The following ALPK3 variants were observed in gnomAD, a reference collection of about 807,000 sequenced individuals.
ALPK3 encodes the protein alpha kinase 3.
ALPK3 carries 102 observed loss-of-function variants against 140.0 expected under a neutral mutation model. The ratio of observed to expected loss-of-function variants is 0.73; its 90% confidence interval spans 0.62 to 0.86. The LOEUF is 0.86. ALPK3 is among the 40% of genes least tolerant of loss of function. ALPK3 has a pLI of 0.00. For missense variants in ALPK3, 2,254 were observed against 2,208.2 expected (o/e 1.02, Z -0.42); for synonymous variants, 938 against 898.5 (o/e 1.04, Z -0.79).
In ALPK3 at chr15:84,859,375, G is replaced by A. The variant is rs148887150; in HGVS notation, c.3950G>A (p.Gly1317Asp). 8.5e-5 allele frequency: 138 copies of A among 1,614,068 alleles called. No homozygotes were observed. Among genetic ancestry groups the A allele is most frequent in the Admixed American group, 1.7e-4 (10 of 60,010 alleles). Residue 1317 changes from glycine to aspartate, a missense_variant, in exon 7 of 14, where the codon GGC becomes GAC. Gly to Asp is a moderately conservative substitution (Grantham distance 94). Around this residue, in one of 3 missense-constraint regions of ALPK3, gnomAD observed 2,088 missense variants for 2,022.9 expected, o/e 1.03. Coordinates refer to ENST00000258888, the MANE Select transcript of ALPK3 (RefSeq NM_020778.5). ...LTWAKDQRPV[G>D]EVGRSAGDEG... is the part of the protein sequence containing the mutation. ...TGGGCCAAGGATCAGCGCCCAGTGG[G>A]CGAGGTGGGCAGGAGGTAAGCCAAC...
chr15:84,867,208 A>C, intron 12 of ALPK3, 109 bp from the exon 13 acceptor site: 2 of 1,008,490 alleles, frequency 2.0e-6, no homozygotes, highest in Non-Finnish European at 2.9e-6. Context: ...CCATGTCTCC[A>C]GCAGGAAGAG....
intron 3 of ALPK3, among the ~76,000 whole-genome samples, chr15:84,832,364 GTTCAC>G (rs1963553100): frequency 6.6e-6 from 1 of 152,110 alleles, no homozygotes; most frequent in African/African-American, 2.4e-5. Context: ...CTCCTTGCCT[GTTCAC>G]TTCATCTTTG....
Position 84,858,027 on chromosome 15 carries a change from C to T in ALPK3, c.3289C>T (p.Pro1097Ser), listed in dbSNP as rs769254376. 46 of 1,579,734 alleles carry T rather than the reference C, an allele frequency of 2.9e-5. No homozygotes were observed. Among genetic ancestry groups the T allele is most frequent in the Non-Finnish European group, 3.9e-5 (45 of 1,164,432 alleles). ...CAGTGAGGGTGAAGGAGAGGTTTCC[C>T]CTGAGGGGCCTGGCCTCCTGGGGGC... is the stretch of plus-strand genomic sequence containing the variant. ...GASEGEGEVS[P>S]EGPGLLGASQ... Residue 1097 changes from proline (P) to serine (S), a missense_variant, in exon 6 of 14, where the codon CCT becomes TCT. By Grantham distance (74) the Pro-to-Ser change is moderately conservative. Around this residue, in one of 3 missense-constraint regions of ALPK3, gnomAD observed 2,088 missense variants for 2,022.9 expected, o/e 1.03. Transcript: ENST00000258888.
rs140745654 is a variant in ALPK3 at position 84,846,553 on chromosome 15, G to A, written c.1653+5621G>A. Among the ~76,000 whole-genome samples, 14 of 152,270 alleles carry A rather than the reference G, an allele frequency of 9.2e-5. No individual in the cohort carries two copies. In the South Asian group the frequency reaches 2.1e-3, roughly 23 times the overall value. On this transcript the variant is annotated intron_variant, in intron 5 of 13. Coordinates refer to ENST00000258888, the MANE Select transcript of ALPK3 (RefSeq NM_020778.5). ...ACAAAAAAGTTAGCTGGGCATAGTG[G>A]TGTGTGTCTGTAGTCTGAGCTATTT...
intron 2 of ALPK3, among the ~76,000 whole-genome samples, chr15:84,824,695 G>A (rs189572297): frequency 6.6e-6 from 1 of 152,188 alleles, no homozygotes; most frequent in South Asian, 2.1e-4. Context: ...CTAAGGGCGA[G>A]GTTAGGTTCC....
At chr15:84,837,903 T>C (rs1323220856) in intron 3 of ALPK3, among the ~76,000 whole-genome samples, 1 of 152,242 alleles carries the variant, frequency 6.6e-6, no homozygotes, top group Admixed American at 6.5e-5. Context: ...GATACAATGG[T>C]AGACTGTCTC....
chr15:84,857,395 C>A lies in ALPK3; in HGVS notation c.2657C>A (p.Thr886Asn). Residue 886 changes from threonine to asparagine, a missense_variant, in exon 6 of 14, where the codon ACC becomes AAC. Transcript: ENST00000258888. ...TASPKAGPCSTPTSQHGSTAT... is the reference protein window; with the variant it reads ...TASPKAGPCSNPTSQHGSTAT... ...AGCCCAAAGGCGGGGCCGTGTAGCA[C>A]CCCGACTTCTCAGCACGGGAGCACA... The A allele has an allele frequency of 6.2e-7, 1 of 1,614,112 alleles. No individual in the cohort carries two copies. The highest frequency in any genetic ancestry group is 8.5e-7 in the Non-Finnish European group (1 of 1,180,028).
Position 84,868,443 on chromosome 15 carries a change from A to G in ALPK3, c.5105A>G (p.Gln1702Arg), listed in dbSNP as rs1567096629. ...ACCCAAGAGGAGGGCTCCAAGGCCCAGGGCATGCGGTAGCCTCCGCAGAGG... is the reference window on the plus strand; with the variant it reads ...ACCCAAGAGGAGGGCTCCAAGGCCCGGGGCATGCGGTAGCCTCCGCAGAGG... Reference protein sequence around the residue: ...PPTQEEGSKAQGMR With the variant: ...PPTQEEGSKARGMR The change falls in exon 14 of 14, where the codon CAG becomes CGG. Residue 1702 changes from glutamine (Q) to arginine (R), a missense_variant. By Grantham distance (43) the Gln-to-Arg change is conservative. Coordinates refer to ENST00000258888, the MANE Select transcript of ALPK3 (RefSeq NM_020778.5). 6.2e-7 allele frequency: 1 copy of G among 1,608,332 alleles called. No individual in the cohort carries two copies. The highest frequency in any genetic ancestry group is 1.1e-5 in the South Asian group (1 of 91,052).
chr15:84,840,221 C>A lies in ALPK3; in HGVS notation c.942C>A (p.Ala314=). 2 of 1,613,536 alleles carry A rather than the reference C, an allele frequency of 1.2e-6. No homozygotes were observed. Among genetic ancestry groups the A allele is most frequent in the Middle Eastern group, 3.3e-4 (2 of 6,062 alleles). Residue 314 remains alanine, a synonymous_variant, in exon 5 of 14, where the codon GCC becomes GCA. Transcript: ENST00000258888. ...GAGCCCTCAAAGAGGAGAGTGGGGC[C>A]AAGAAGAAAAAGAAAGATGAGGAAT... ...PQRALKEESG[A]KKKKKDEESK...
chr15:84,852,889 AG>A (rs1354775201), intron 5 of ALPK3, among the ~76,000 whole-genome samples: 1 of 152,242 alleles, frequency 6.6e-6, no homozygotes, highest in African/African-American at 2.4e-5. Flanking sequence ...AGTTTAGCAG[AG>A]GCAAAGACTA....
chr15:84,830,998 T>C, intron 3 of ALPK3, among the ~76,000 whole-genome samples: 1 of 152,246 alleles, frequency 6.6e-6, no homozygotes, highest in Non-Finnish European at 1.5e-5. Flanking sequence ...ATAGTAGGCA[T>C]GAGTCACTGT....
intron 9 of ALPK3, among the ~76,000 whole-genome samples, chr15:84,861,782 A>G: frequency 2.2e-5 from 1 of 44,858 alleles, no homozygotes; most frequent in East Asian, 1.4e-3. Context: ...TAGAATAACG[A>G]GTTGGTGCCC....
In ALPK3 at chr15:84,840,694, C is replaced by G; in HGVS notation, c.1415C>G (p.Pro472Arg). The change falls in exon 5 of 14, where the codon CCC (proline) becomes CGC (arginine). Residue 472 changes from proline to arginine, a missense_variant. Transcript: ENST00000258888. Reference protein sequence around the residue: ...APGQPTHSLTPQPTRPFNRKR... With the variant: ...APGQPTHSLTRQPTRPFNRKR... ...GGCCAGCCCACACACTCCTTGACCCCCCAGCCGACTAGGCCTTTCAACAGA... is the reference window on the plus strand; with the variant it reads ...GGCCAGCCCACACACTCCTTGACCCGCCAGCCGACTAGGCCTTTCAACAGA... 6.2e-7 allele frequency: 1 copy of G among 1,608,824 alleles called. No homozygotes were observed. The highest frequency in any genetic ancestry group is 8.5e-7 in the Non-Finnish European group (1 of 1,177,412).
chr15:84,818,467 A>G (rs1963386793), intron 1 of ALPK3, among the ~76,000 whole-genome samples: 2 of 152,118 alleles, frequency 1.3e-5, no homozygotes, highest in South Asian at 4.1e-4. Flanking sequence ...GTTTCCCTTC[A>G]CTTCTGGAGT....
rs779005778 is a variant in ALPK3 at position 84,856,844 on chromosome 15, G to C, written c.2106G>C (p.Lys702Asn). The C allele has an allele frequency of 1.2e-6, 2 of 1,613,736 alleles. No individual in the cohort carries two copies. Among genetic ancestry groups the C allele is most frequent in the Non-Finnish European group, 1.7e-6 (2 of 1,179,726 alleles). The change falls in exon 6 of 14, where the codon AAG (lysine) becomes AAC (asparagine). Residue 702 changes from lysine to asparagine, a missense_variant. Lys to Asn is a moderately conservative substitution (Grantham distance 94). Around this residue, in one of 3 missense-constraint regions of ALPK3, gnomAD observed 2,088 missense variants for 2,022.9 expected, o/e 1.03. Transcript: ENST00000258888. Reference sequence around the variant, plus strand: ...AAGACAGAAGGATGCAGGGAGAGAAGGGGATGCAGGGAGAGAAGGGGACGC... The same window carrying C: ...AAGACAGAAGGATGCAGGGAGAGAACGGGATGCAGGGAGAGAAGGGGACGC... Reference protein sequence around the residue: ...TQEDRRMQGEKGMQGEKGTQS... With the variant: ...TQEDRRMQGENGMQGEKGTQS...
chr15:84,868,267 A>G lies in ALPK3; in HGVS notation c.4929A>G (p.Pro1643=). Reference sequence around the variant, plus strand: ...CCAAAGCCAAAGGCTCTAAGAGTCCATCTGCTGGCAGGAAAGGCTCCCAGC... The same window carrying G: ...CCAAAGCCAAAGGCTCTAAGAGTCCGTCTGCTGGCAGGAAAGGCTCCCAGC... ...PQAKAKGSKS[P]SAGRKGSQLS... Residue 1643 remains proline (P), a synonymous_variant, in exon 14 of 14, where the codon CCA becomes CCG. Transcript: ENST00000258888. 1 of 1,614,164 alleles carries G rather than the reference A, an allele frequency of 6.2e-7. No homozygotes were observed. The highest frequency in any genetic ancestry group is 8.5e-7 in the Non-Finnish European group (1 of 1,179,998).
rs748635734 is a variant in ALPK3, at chr15:84,839,920, G to T, written c.641G>T (p.Arg214Leu). 1.2e-6 allele frequency: 2 copies of T among 1,613,806 alleles called. No individual in the cohort carries two copies. Among genetic ancestry groups the T allele is most frequent in the African/African-American group, 2.7e-5 (2 of 74,936 alleles). The stretch of plus-strand genomic sequence containing the variant: ...GTGCCTGGGGAGGTCGACACTCTGC[G>T]CAAGCTCAGCCCCGACCGCTTCCAG... ...KAVPGEVDTL[R>L]KLSPDRFQRK... Residue 214 changes from arginine to leucine, a missense_variant, in exon 5 of 14, where the codon CGC becomes CTC. By Grantham distance (102) the Arg-to-Leu change is moderately radical. Coordinates refer to ENST00000258888, the MANE Select transcript of ALPK3 (RefSeq NM_020778.5).
In ALPK3 at chr15:84,864,350, C is replaced by T; in HGVS notation, c.4500-92C>T. On this transcript the variant is annotated intron_variant, in intron 11 of 13. Coordinates refer to ENST00000258888, the MANE Select transcript of ALPK3 (RefSeq NM_020778.5). ...TGAGAATTACATTCTTGGAAGGGCC[C>T]TTCTTTTAGGTCCAAGAATACAGAA... The T allele has an allele frequency of 6.7e-6, 9 of 1,336,596 alleles. 1 individual carries two copies. In the South Asian group the frequency reaches 1.1e-4, roughly 16 times the overall value. The allele number at this position is 1,336,596 out of a possible 1,614,324, so 82.8% of individuals were successfully genotyped here.
chr15:84,841,226 T>G, intron 5 of ALPK3, among the ~76,000 whole-genome samples: 1 of 151,956 alleles, frequency 6.6e-6, no homozygotes, highest in East Asian at 1.9e-4. Context: ...TTCTCTGGGG[T>G]GGGAAAGGGG....
Sources: allele counts gnomAD v4.1 joint callset (sites outside exome capture counted in the v4.1 genomes callset), GRCh38; gene constraint gnomAD v4.1.1; regional missense constraint gnomAD v4.1.1; transcripts MANE v1.5; gene names NCBI Gene and HGNC (gene_info 2026-07-23, HGNC 2026-07-21).